Variants in SGCZ observed in about 807,000 individuals in gnomAD.
The protein encoded by SGCZ is zeta-sarcoglycan.
SGCZ carries 40 observed loss-of-function variants against 41.3 expected under a neutral mutation model. That is an observed-to-expected ratio of 0.97 (90% CI 0.75 to 1.26). SGCZ has a LOEUF of 1.26. SGCZ is among the 50% of genes most tolerant of loss of function. The pLI is 0.00. For missense variants in SGCZ, 552 were observed against 369.8 expected (o/e 1.49, Z -4.04); for synonymous variants, 206 against 137.5 (o/e 1.50, Z -3.49).
At chr8:14,414,659 G>A (rs1025320322) in intron 2 of SGCZ, among the ~76,000 whole-genome samples, 1 of 151,948 alleles carries the variant, frequency 6.6e-6, no homozygotes, top group African/African-American at 2.4e-5. Context: ...AGCACAAAAT[G>A]TAATTAATCT....
chr8:14,530,788 A>C (rs1803104936), intron 2 of SGCZ, among the ~76,000 whole-genome samples: 1 of 152,140 alleles, frequency 6.6e-6, no homozygotes, highest in Non-Finnish European at 1.5e-5. Context: ...CTCAAGTCCG[A>C]CATGAGCCAA....
At position 15,147,975 on chromosome 8, in the gene SGCZ, T is replaced by A. The variant is rs142462502; in HGVS notation, c.39+89610A>T. ...TAGTAAAGTTTTGAGTCTAGCCTCCTAAGTAGGTAAACCTAAACTTCCATT... is the reference window on the plus strand; with the variant it reads ...TAGTAAAGTTTTGAGTCTAGCCTCCAAAGTAGGTAAACCTAAACTTCCATT... On this transcript the variant is annotated intron_variant, in intron 1 of 7. Coordinates refer to ENST00000382080, the MANE Select transcript of SGCZ (RefSeq NM_139167.4). Among the ~76,000 whole-genome samples, 747 of 152,322 alleles carry A rather than the reference T, an allele frequency of 4.9e-3. 2 individuals are homozygous for A. The highest frequency in any genetic ancestry group is 0.017 in the African/African-American group (706 of 41,572).
intron 2 of SGCZ, among the ~76,000 whole-genome samples, chr8:14,438,524 C>A (rs1316425644): frequency 6.6e-6 from 1 of 151,868 alleles, no homozygotes; most frequent in Non-Finnish European, 1.5e-5. Context: ...TAGACTTGTA[C>A]ATGCTTGGAG....
intron 1 of SGCZ, among the ~76,000 whole-genome samples, chr8:15,181,619 T>C (rs1162065584): frequency 6.6e-6 from 1 of 152,206 alleles, no homozygotes; most frequent in Non-Finnish European, 1.5e-5. Context: ...TCTTCAGATA[T>C]ACTTAATATA....
At chr8:14,772,924 G>C (rs976663320) in intron 1 of SGCZ, among the ~76,000 whole-genome samples, 1 of 151,944 alleles carries the variant, frequency 6.6e-6, no homozygotes, top group Non-Finnish European at 1.5e-5. Context: ...ATGATTTATA[G>C]TCCTTTGGGT....
chr8:14,180,661 A>C (rs1804692505), intron 4 of SGCZ, among the ~76,000 whole-genome samples: 1 of 152,138 alleles, frequency 6.6e-6, no homozygotes, highest in Admixed American at 6.5e-5. Context: ...ACTTAAAATA[A>C]GTCACCTACT....
chr8:14,238,929 C>T (rs1350999332), intron 3 of SGCZ, among the ~76,000 whole-genome samples: 1 of 151,072 alleles, frequency 6.6e-6, no homozygotes, highest in South Asian at 2.1e-4. Context: ...TTAAAACTCT[C>T]AATATTAGGA....
chr8:14,314,405 T>C (rs1563251948), intron 3 of SGCZ, among the ~76,000 whole-genome samples: 1 of 152,100 alleles, frequency 6.6e-6, no homozygotes, highest in Non-Finnish European at 1.5e-5. Flanking sequence ...TTTCTGAATA[T>C]GTAAAAAAGA....
rs370910990 is a variant in SGCZ at position 15,158,340 on chromosome 8, G to A, written c.39+79245C>T. 1.1e-3 allele frequency among the ~76,000 whole-genome samples: 162 copies of A among 152,118 alleles called. 1 individual carries two copies. Among genetic ancestry groups the A allele is most frequent in the African/African-American group, 3.7e-3 (152 of 41,486 alleles). Reference sequence around the variant, plus strand: ...TTTCCTTTTTTGCTAGCTATTTGTGGAATCTGAGGTCCTAAGAAGGCTGTT... The same window carrying A: ...TTTCCTTTTTTGCTAGCTATTTGTGAAATCTGAGGTCCTAAGAAGGCTGTT... On this transcript the variant is annotated intron_variant, in intron 1 of 7. Transcript: ENST00000382080.
At position 14,809,018 on chromosome 8, in the gene SGCZ, G is replaced by A. The variant is rs181934965; in HGVS notation, c.40-254092C>T. 2.7e-3 allele frequency among the ~76,000 whole-genome samples: 413 copies of A among 150,930 alleles called. 2 individuals carry two copies. Among genetic ancestry groups the A allele is most frequent in the African/African-American group, 9.5e-3 (389 of 40,870 alleles). On this transcript the variant is annotated intron_variant, in intron 1 of 7. Transcript: ENST00000382080. ...CACCGCATATTCTCACTCATAGGTG[G>A]GAATTGAACAATGAGATCAAATGGA...
chr8:14,694,450 G>T (rs1808894906), intron 1 of SGCZ, among the ~76,000 whole-genome samples: 1 of 152,122 alleles, frequency 6.6e-6, no homozygotes, highest in Non-Finnish European at 1.5e-5. Flanking sequence ...GTTTATTATA[G>T]TTGTCAAGAA....
At chr8:14,369,687 G>A (rs375285377) in intron 2 of SGCZ, among the ~76,000 whole-genome samples, 15 of 151,816 alleles carry the variant, frequency 9.9e-5, no homozygotes, top group Non-Finnish European at 1.9e-4. Flanking sequence ...AAGTAATCAA[G>A]TATGTTACAA....
chr8:14,568,706 T>G (rs1341459622), intron 1 of SGCZ, among the ~76,000 whole-genome samples: 1 of 152,080 alleles, frequency 6.6e-6, no homozygotes, highest in African/African-American at 2.4e-5. Flanking sequence ...TTCCTAGAGG[T>G]TTTATTGTTG....
At chr8:14,222,024 C>G (rs1284524902) in intron 4 of SGCZ, among the ~76,000 whole-genome samples, 1 of 151,966 alleles carries the variant, frequency 6.6e-6, no homozygotes, top group Admixed American at 6.6e-5. Context: ...AAATGTATGC[C>G]AACAACAGAA....
chr8:14,960,007 C>G (rs1800913413), intron 1 of SGCZ, among the ~76,000 whole-genome samples: 1 of 152,162 alleles, frequency 6.6e-6, no homozygotes, highest in South Asian at 2.1e-4. Context: ...CATTTCAATA[C>G]TCTAGTTTTA....
At chr8:14,748,700 A>G (rs1261295859) in intron 1 of SGCZ, among the ~76,000 whole-genome samples, 1 of 152,220 alleles carries the variant, frequency 6.6e-6, no homozygotes. Context: ...TATGAATAAG[A>G]AATGTGAACA....
intron 1 of SGCZ, among the ~76,000 whole-genome samples, chr8:15,210,526 C>G (rs1217778503): frequency 6.6e-6 from 1 of 152,128 alleles, no homozygotes; most frequent in Non-Finnish European, 1.5e-5. Flanking sequence ...TACTTGCAAC[C>G]TGGCTCTTGG....
At chr8:14,191,324 G>T (rs1486142650) in intron 4 of SGCZ, among the ~76,000 whole-genome samples, 1 of 151,948 alleles carries the variant, frequency 6.6e-6, no homozygotes, top group Non-Finnish European at 1.5e-5. Flanking sequence ...TTGCTGTGTT[G>T]AAAGTTTTTA....
chr8:14,154,224 G>C (rs991161905), intron 5 of SGCZ, among the ~76,000 whole-genome samples: 5 of 143,850 alleles, frequency 3.5e-5, no homozygotes, highest in African/African-American at 7.6e-5. Flanking sequence ...CAAAAAATTA[G>C]CCAGGCGTGG....
Sources: gnomAD v4.1 joint callset for allele counts (sites outside exome capture counted in the v4.1 genomes callset) on GRCh38, gnomAD v4.1.1 for gene constraint, MANE v1.5 for transcripts, NCBI Gene and HGNC (gene_info 2026-07-23, HGNC 2026-07-21) for gene names.